The following MASP1 variants were observed in gnomAD, a reference collection of about 807,000 sequenced individuals.
MASP1 encodes the protein MBL associated serine protease 1.
A neutral mutation model predicts 77.1 loss-of-function variants in MASP1; 59 were observed. The ratio of observed to expected loss-of-function variants is 0.77; its 90% CI spans 0.62 to 0.95. The LOEUF is 0.95. Among genes scored for constraint, MASP1 ranks in the 40% least tolerant of loss-of-function variants. The pLI, the probability that MASP1 is intolerant of heterozygous loss-of-function variation, is 0.00. For missense variants in MASP1, 885 were observed against 912.9 expected (o/e 0.97, Z 0.39); for synonymous variants, 362 against 354.5 (o/e 1.02, Z -0.24).
At chr3:187,219,248 C>A (rs1164076016) in exon 16 of MASP1, 1 of 152,164 alleles carries the variant, frequency 6.6e-6, no homozygotes, top group Non-Finnish European at 1.5e-5. Flanking sequence ...TATCTTAGAT[C>A]GTCAGAGCTT....
intron 8 of MASP1, 59 bp downstream of exon 8, chr3:187,250,192 G>A (rs975489589): frequency 4.6e-5 from 64 of 1,395,592 alleles, no homozygotes; most frequent in Middle Eastern, 1.8e-4. Context: ...TGCTCTGCTC[G>A]GATCCCGCCA....
At chr3:187,222,143 G>A (rs945352860) in intron 14 of MASP1, among the ~76,000 whole-genome samples, 27 of 152,248 alleles carry the variant, frequency 1.8e-4, no homozygotes, top group East Asian at 1.2e-3. Flanking sequence ...CTGATTCATC[G>A]TTCAGGTATC....
At chr3:187,254,784 T>A (rs1714934264) in intron 5 of MASP1, among the ~76,000 whole-genome samples, 1 of 152,166 alleles carries the variant, frequency 6.6e-6, no homozygotes, top group South Asian at 2.1e-4. Context: ...TGATCCGGAT[T>A]CCCCACCTCT....
chr3:187,220,993 T>C (rs1231469626), intron 15 of MASP1: 1 of 1,541,460 alleles, frequency 6.5e-7, no homozygotes, highest in Non-Finnish European at 9.0e-7. Context: ...CACCACTCCC[T>C]GGCTGGCAGC....
exon 16 of MASP1, chr3:187,220,070 T>C (rs758467672): frequency 6.2e-7 from 1 of 1,613,378 alleles, no homozygotes; most frequent in Admixed American, 1.7e-5. Flanking sequence ...AGGAGCCAAA[T>C]TCAGTTCCTC....
chr3:187,243,609 C>T lies in MASP1; in HGVS notation c.1103G>A (p.Arg368Lys). 2 of 1,614,210 alleles carry T rather than the reference C, an allele frequency of 1.2e-6. No homozygotes were observed. The highest frequency in any genetic ancestry group is 1.7e-6 in the Non-Finnish European group (2 of 1,180,046). ...CCCGTGTTCCAGCTCTCCTGGGGCT[C>T]TACAGTCTACAACTGAGAGAGAAGA... ...KIPTCKIVDC[R>K]APGELEHGLI... is the part of the protein sequence containing the mutation. Residue 368 changes from arginine to lysine, a missense_variant, in exon 9 of 11, where the codon AGA becomes AAA. By Grantham distance (26) the Arg-to-Lys change is conservative. Transcript: ENST00000296280.
At chr3:187,220,804 T>C (rs1199884305) in intron 15 of MASP1, among the ~76,000 whole-genome samples, 1 of 152,242 alleles carries the variant, frequency 6.6e-6, no homozygotes, top group African/African-American at 2.4e-5. Flanking sequence ...GGCCAAGGCC[T>C]CTTTCTTAAG....
At chr3:187,223,145 G>C (rs745726028) in exon 14 of MASP1, 10 of 1,614,116 alleles carry the variant, frequency 6.2e-6, no homozygotes, top group South Asian at 5.5e-5. Flanking sequence ...GGGTCTCTGG[G>C]AACCTTTGCA....
In MASP1 at chr3:187,234,741, C is replaced by G. The variant is rs1251239329; in HGVS notation, c.*943G>C. The G allele has an allele frequency of 3.0e-5, 38 of 1,287,272 alleles. No individual in the cohort carries two copies. The highest frequency in any genetic ancestry group is 3.7e-5 in the Non-Finnish European group (37 of 988,706). The allele number at this position is 1,287,272 out of a possible 1,614,324, so 79.7% of individuals were successfully genotyped here. A position where few individuals can be genotyped will look rare whatever the true frequency, so the allele number is the denominator to read the frequency against. ...TCTTCCATTTTCCTGCCCAAAAGCA[C>G]AGCAGGACACAGTGTGGGTCTTTTC... On this transcript the variant is annotated 3_prime_UTR_variant, in exon 11 of 11. Transcript: ENST00000296280.
At chr3:187,243,125 T>G in intron 9 of MASP1, 3 of 327,590 alleles carry the variant, frequency 9.2e-6, no homozygotes, top group South Asian at 2.7e-5. Flanking sequence ...CATGAAGGAG[T>G]TTAACTTGGG....
At chr3:187,241,580 G>A (rs1185387323) in intron 9 of MASP1, 25 bp from the exon 10 acceptor site, 1 of 1,487,784 alleles carries the variant, frequency 6.7e-7, no homozygotes, top group Admixed American at 1.7e-5. Context: ...GAGGTTAGGA[G>A]AGGAGGGAGA....
At position 187,225,417 on chromosome 3, in the gene MASP1, C is replaced by A; in HGVS notation, c.1648G>T (p.Glu550Ter). ...AGCTCCACCAGAGCCACGTCATTCT[C>A]GAATGTGTTGGGATCATACTGGGGG... The change falls in exon 13 of 16, where the codon GAG becomes TAG. Residue 550 changes from glutamate (E) to a stop codon, truncating the protein, a stop_gained. Transcript: ENST00000337774. LOFTEE classifies it high-confidence loss of function. 6.2e-7 allele frequency: 1 copy of A among 1,614,206 alleles called. No homozygotes were observed. The highest frequency in any genetic ancestry group is 1.1e-5 in the South Asian group (1 of 91,084).
At chr3:187,232,252 G>A (rs1319001565), downstream of MASP1, among the ~76,000 whole-genome samples, 1 of 109,420 alleles carries the variant, frequency 9.1e-6, no homozygotes, top group Non-Finnish European at 1.9e-5. Context: ...TTTTTTCCTT[G>A]GGGCCTCTCT....
At position 187,285,806 on chromosome 3, in the gene MASP1, G is replaced by A. The variant is rs750281102; in HGVS notation, c.237+19C>T. On this transcript the variant is annotated intron_variant, in intron 2 of 10. Coordinates refer to ENST00000296280, the MANE Select transcript of MASP1 (RefSeq NM_139125.4). ...CCAGAAGAGAGCCTGGCCCAGTTAG[G>A]GGACATCAGGAGTCTCACCTTCACA... 8.2e-6 allele frequency: 13 copies of A among 1,584,356 alleles called. No individual in the cohort carries two copies. In the African/African-American group the frequency reaches 1.2e-4, roughly 15 times the overall value.
intron 4 of MASP1, among the ~76,000 whole-genome samples, chr3:187,259,499 G>C (rs1316733194): frequency 6.6e-6 from 1 of 152,036 alleles, no homozygotes; most frequent in East Asian, 1.9e-4. Context: ...AAAATTTCAT[G>C]GTGGGGGCCT....
chr3:187,226,525 G>T, intron 11 of MASP1: 1 of 1,597,362 alleles, frequency 6.3e-7, no homozygotes, highest in Non-Finnish European at 8.6e-7. Context: ...TGGAGCCTGG[G>T]GAACAGAACA....
intron 2 of MASP1, among the ~76,000 whole-genome samples, chr3:187,281,892 T>G (rs1717441239): frequency 6.6e-6 from 1 of 152,198 alleles, no homozygotes; most frequent in Admixed American, 6.5e-5. Flanking sequence ...GGGAAAAGCT[T>G]CTCTTCCATT....
intron 7 of MASP1, among the ~76,000 whole-genome samples, chr3:187,251,050 C>G (rs1714532564): frequency 6.6e-6 from 1 of 152,182 alleles, no homozygotes; most frequent in Non-Finnish European, 1.5e-5. Context: ...CCTCTGCCTC[C>G]TGGATTCAAG....
chr3:187,284,587 A>G (rs1036218875), intron 2 of MASP1, among the ~76,000 whole-genome samples: 5 of 152,226 alleles, frequency 3.3e-5, no homozygotes, highest in African/African-American at 1.2e-4. Flanking sequence ...AATACTCTAC[A>G]TATAAAATAA....
Sources: gnomAD v4.1 joint callset for allele counts (sites outside exome capture counted in the v4.1 genomes callset) on GRCh38, gnomAD v4.1.1 for gene constraint, MANE v1.5 for transcripts, NCBI Gene and HGNC (gene_info 2026-07-23, HGNC 2026-07-21) for gene names.